Variants in RAD54B observed in about 807,000 individuals in gnomAD.
RAD54B encodes the protein DNA repair and recombination protein RAD54B.
A neutral mutation model predicts 95.8 loss-of-function variants in RAD54B; 78 were observed. The observed-to-expected ratio is 0.81, with a 90% CI of 0.68 to 0.98. RAD54B has a LOEUF of 0.98. RAD54B is among the 50% of genes least tolerant of loss of function. RAD54B has a pLI of 0.00. For synonymous variants in RAD54B, 328 were observed against 354.9 expected, an observed-to-expected ratio of 0.92 and a Z score of 0.85; for missense variants, 957 against 1,056.6, an observed-to-expected ratio of 0.91 and a Z score of 1.31.
Position 94,419,747 on chromosome 8 carries a change from CAAAAAAA to C in RAD54B, c.305-8439_305-8433del, listed in dbSNP as rs36042247. ...TCTTCTCTCACAGCCTGGCCCCCAC[CAAAAAAA>C]AAAAAAAAAAAAAAGCAACATGAAC... is the stretch of plus-strand genomic sequence containing the variant. On this transcript the variant is annotated intron_variant, in intron 3 of 14. Coordinates refer to ENST00000336148, the MANE Select transcript of RAD54B (RefSeq NM_012415.3). Among the ~76,000 whole-genome samples the C allele has an allele frequency of 6.0e-3, 419 of 70,336 alleles. 3 individuals carry two copies. The highest frequency in any genetic ancestry group is 8.4e-3 in the Non-Finnish European group (312 of 37,156). 46.1% of individuals were successfully genotyped at this position (70,336 alleles called of 152,430 possible).
chr8:94,425,673 A>G (rs371450329), intron 3 of RAD54B, among the ~76,000 whole-genome samples: 1 of 152,218 alleles, frequency 6.6e-6, no homozygotes, highest in Non-Finnish European at 1.5e-5. Flanking sequence ...ATAAGTATCA[A>G]TAAGTATAAA....
intron 3 of RAD54B, among the ~76,000 whole-genome samples, chr8:94,437,251 C>A (rs1812290308): frequency 6.6e-6 from 1 of 152,222 alleles, no homozygotes; most frequent in African/African-American, 2.4e-5. Flanking sequence ...AGCTGACAGA[C>A]TGAACTGCAT....
At chr8:94,434,771 G>A (rs1222013063) in intron 3 of RAD54B, among the ~76,000 whole-genome samples, 2 of 151,304 alleles carry the variant, frequency 1.3e-5, no homozygotes, top group Non-Finnish European at 3.0e-5. Flanking sequence ...AATTTAAAAG[G>A]CATGTTTCTT....
At chr8:94,431,771 C>T in intron 3 of RAD54B, 3 of 996,084 alleles carry the variant, frequency 3.0e-6, no homozygotes, top group Non-Finnish European at 3.6e-6. Context: ...ACTTAAAAAT[C>T]TCTAATTATA....
At chr8:94,449,261 T>C (rs1217793760) in intron 3 of RAD54B, among the ~76,000 whole-genome samples, 1 of 142,296 alleles carries the variant, frequency 7.0e-6, no homozygotes, top group Non-Finnish European at 1.5e-5. Flanking sequence ...CCAATATCCA[T>C]ATCATCAGGT....
At chr8:94,468,491 T>G (rs115858971) in intron 1 of RAD54B, among the ~76,000 whole-genome samples, 2 of 151,584 alleles carry the variant, frequency 1.3e-5, no homozygotes, top group African/African-American at 4.9e-5. Context: ...GGAGGATCCC[T>G]TGAACCTAGG....
intron 11 of RAD54B, among the ~76,000 whole-genome samples, chr8:94,382,889 C>T (rs750317272): frequency 6.6e-6 from 1 of 152,178 alleles, no homozygotes; most frequent in Non-Finnish European, 1.5e-5. Flanking sequence ...GAGGCCTTCC[C>T]AGCCATGTGG....
rs56230686 is a variant in RAD54B, at chr8:94,468,532, G to GA, written c.-16-978dup. Among the ~76,000 whole-genome samples, 740 of 145,184 alleles carry GA rather than the reference G, an allele frequency of 5.1e-3. 2 individuals carry two copies. Among genetic ancestry groups the GA allele is most frequent in the African/African-American group, 0.017 (677 of 39,222 alleles). ...CGTCTCTATTAAAAATTAAAATTAA[G>GA]AAAAAAAAAAAGGCCGAGCACGGTG... On this transcript the variant is annotated intron_variant, in intron 1 of 14. Coordinates refer to ENST00000336148, the MANE Select transcript of RAD54B (RefSeq NM_012415.3).
intron 14 of RAD54B, among the ~76,000 whole-genome samples, chr8:94,377,975 C>CAAA (rs59955111): frequency 5.4e-4 from 42 of 77,122 alleles, no homozygotes; most frequent in African/African-American, 1.8e-3. Context: ...GACTCCGTCT[C>CAAA]AAAAAAAAAA....
intron 3 of RAD54B, among the ~76,000 whole-genome samples, chr8:94,441,386 T>C (rs529481031): frequency 7.2e-5 from 11 of 152,288 alleles, no homozygotes; most frequent in Admixed American, 7.2e-4. Flanking sequence ...CACAATCCCC[T>C]CTGGGTTCTA....
At chr8:94,450,694 A>G (rs556791217) in intron 3 of RAD54B, among the ~76,000 whole-genome samples, 2 of 152,302 alleles carry the variant, frequency 1.3e-5, no homozygotes, top group African/African-American at 4.8e-5. Context: ...AACCTGGCCA[A>G]CATGGCAAAA....
chr8:94,450,834 A>T (rs1812639094), intron 3 of RAD54B, among the ~76,000 whole-genome samples: 2 of 152,054 alleles, frequency 1.3e-5, no homozygotes, highest in Admixed American at 6.5e-5. Context: ...AAAAAAAAAA[A>T]TTTACTATTA....
At chr8:94,430,252 A>C (rs1812056212) in intron 3 of RAD54B, 3 of 813,470 alleles carry the variant, frequency 3.7e-6, no homozygotes, top group African/African-American at 1.9e-5. Context: ...CGGAGATTGC[A>C]GTGAGCCAAC....
At chr8:94,375,344 G>A (rs571506926) in intron 14 of RAD54B, among the ~76,000 whole-genome samples, 3 of 152,264 alleles carry the variant, frequency 2.0e-5, no homozygotes, top group South Asian at 2.1e-4. Context: ...GGACCCGGTG[G>A]GAGATGATTG....
intron 3 of RAD54B, among the ~76,000 whole-genome samples, chr8:94,443,388 C>T (rs1812445371): frequency 6.6e-6 from 1 of 151,958 alleles, no homozygotes; most frequent in Non-Finnish European, 1.5e-5. Context: ...GATGGGATGA[C>T]CTGTGCAGCA....
chr8:94,454,424 GTATGT>G (rs1476993137), intron 3 of RAD54B, among the ~76,000 whole-genome samples: 1 of 152,124 alleles, frequency 6.6e-6, no homozygotes, highest in Non-Finnish European at 1.5e-5. Context: ...ATGGTGAATT[GTATGT>G]TATGTATATT....
chr8:94,399,288 A>G, intron 8 of RAD54B, 126 bp downstream of exon 8: 1 of 722,022 alleles, frequency 1.4e-6, no homozygotes, highest in East Asian at 2.7e-5. Context: ...GAGTTAATTA[A>G]CACAGGTTTA....
intron 2 of RAD54B, among the ~76,000 whole-genome samples, chr8:94,463,710 T>C (rs147550244): frequency 6.6e-6 from 1 of 151,606 alleles, no homozygotes; most frequent in Non-Finnish European, 1.5e-5. Flanking sequence ...AGACCCCATC[T>C]CTATAAAAAA....
rs1410326547 is a variant in RAD54B, at chr8:94,393,740, T to C, written c.1518+3A>G. On this transcript the variant is annotated splice_donor_region_variant and intron_variant, in intron 9 of 14. Transcript: ENST00000336148. The stretch of plus-strand genomic sequence containing the variant: ...AAAACCTATTTATTAGAGTAAATTA[T>C]ACCTCAGAAGCAGAAGGTTCTCTCG... The C allele has an allele frequency of 1.1e-5, 17 of 1,564,764 alleles. No individual in the cohort carries two copies. Among genetic ancestry groups the C allele is most frequent in the East Asian group, 2.2e-5 (1 of 44,486 alleles).
Sources: allele counts gnomAD v4.1 joint callset (sites outside exome capture counted in the v4.1 genomes callset), GRCh38; gene constraint gnomAD v4.1.1; transcripts MANE v1.5; gene names NCBI Gene and HGNC (gene_info 2026-07-23, HGNC 2026-07-21).